Variants in CCDC191 observed in about 807,000 individuals in gnomAD.
CCDC191 encodes coiled-coil domain-containing protein 191.
A neutral mutation model predicts 114.0 loss-of-function variants in CCDC191; 99 were observed. That is an observed-to-expected ratio of 0.87 (90% CI 0.74 to 1.03). The LOEUF (loss-of-function observed/expected upper bound fraction) is 1.03. CCDC191 is among the 50% of genes least tolerant of loss of function. The pLI is 0.00. For missense variants in CCDC191, 973 were observed against 1,087.0 expected, an observed-to-expected ratio of 0.90 and a Z score of 1.47; for synonymous variants, 351 against 376.0, an observed-to-expected ratio of 0.93 and a Z score of 0.77.
intron 8 of CCDC191, among the ~76,000 whole-genome samples, chr3:114,018,315 T>C (rs2076193118): frequency 6.6e-6 from 1 of 151,976 alleles, no homozygotes. Context: ...GAAGATCATG[T>C]ACAATGTATA....
intron 3 of CCDC191, among the ~76,000 whole-genome samples, chr3:114,043,126 A>C (rs1209175417): frequency 6.6e-6 from 1 of 152,182 alleles, no homozygotes; most frequent in Non-Finnish European, 1.5e-5. Context: ...GAGGTAAAAG[A>C]AAGCTTCACT....
intron 4 of CCDC191, among the ~76,000 whole-genome samples, chr3:114,038,758 C>A (rs899174148): frequency 2.6e-5 from 4 of 152,180 alleles, no homozygotes; most frequent in Non-Finnish European, 5.9e-5. Flanking sequence ...TGGAAGCCAT[C>A]ATCCTCAGCA....
At chr3:114,030,844 T>G (rs2076394563) in intron 7 of CCDC191, among the ~76,000 whole-genome samples, 1 of 152,194 alleles carries the variant, frequency 6.6e-6, no homozygotes. Context: ...CATTCACGTA[T>G]TTATTCAATT....
chr3:113,965,036 T>TC lies in CCDC191; in HGVS notation c.*118dup, dbSNP rs1342547487. 2 of 531,740 alleles carry TC rather than the reference T, an allele frequency of 3.8e-6. No individual in the cohort carries two copies. Among genetic ancestry groups the TC allele is most frequent in the Non-Finnish European group, 6.4e-6 (2 of 311,442 alleles). 32.9% of individuals were successfully genotyped at this position (531,740 alleles called of 1,614,324 possible). The stretch of plus-strand genomic sequence containing the variant: ...AAAATTCTCAAAATAATTCCTTTGA[T>TC]CTAAGAAGTAGCTCGTAGAGAATAA... On this transcript the variant is annotated 3_prime_UTR_variant, in exon 17 of 17. Transcript: ENST00000295878.
intron 1 of CCDC191, among the ~76,000 whole-genome samples, chr3:114,054,448 C>T (rs1270811981): frequency 2.0e-5 from 3 of 152,026 alleles, no homozygotes; most frequent in South Asian, 2.1e-4. Flanking sequence ...CTGGCTAATA[C>T]GGTGAAACCC....
At chr3:114,021,747 T>C (rs755124515) in intron 7 of CCDC191, among the ~76,000 whole-genome samples, 2 of 152,142 alleles carry the variant, frequency 1.3e-5, no homozygotes, top group Non-Finnish European at 2.9e-5. Flanking sequence ...ACTTTGGAAC[T>C]ACAATAGTGC....
At chr3:114,029,906 T>C (rs1416506901) in intron 7 of CCDC191, among the ~76,000 whole-genome samples, 1 of 152,098 alleles carries the variant, frequency 6.6e-6, no homozygotes, top group Non-Finnish European at 1.5e-5. Context: ...TGTCACACAC[T>C]GGAGGAGACT....
intron 13 of CCDC191, 102 bp from the exon 14 acceptor site, chr3:113,980,895 G>A (rs73230267): frequency 1.4e-4 from 155 of 1,078,674 alleles, no homozygotes; most frequent in Non-Finnish European, 2.1e-4. Flanking sequence ...CCATTGAATG[G>A]TGTGTTAATC....
intron 4 of CCDC191, among the ~76,000 whole-genome samples, chr3:114,042,439 G>A (rs549043423): frequency 1.1e-4 from 17 of 152,230 alleles, no homozygotes; most frequent in East Asian, 5.8e-4. Flanking sequence ...GTATCTGTGG[G>A]GGCCAGGGGG....
At chr3:114,008,580 A>G (rs923487776) in intron 9 of CCDC191, among the ~76,000 whole-genome samples, 4 of 152,146 alleles carry the variant, frequency 2.6e-5, no homozygotes, top group African/African-American at 9.7e-5. Flanking sequence ...TGATAAAAGA[A>G]GAAGCCGACA....
intron 7 of CCDC191, among the ~76,000 whole-genome samples, chr3:114,024,707 G>A (rs1353611655): frequency 6.6e-6 from 1 of 151,742 alleles, no homozygotes; most frequent in East Asian, 2.1e-4. Flanking sequence ...TTGTGGGGTA[G>A]GGGGAGGGAG....
chr3:113,969,633 C>T (rs1577304635), intron 16 of CCDC191, among the ~76,000 whole-genome samples: 1 of 152,236 alleles, frequency 6.6e-6, no homozygotes, highest in Non-Finnish European at 1.5e-5. Flanking sequence ...GTTCTTGGCA[C>T]TTTTGTCAAA....
intron 13 of CCDC191, among the ~76,000 whole-genome samples, chr3:113,985,508 C>G (rs1420957352): frequency 6.6e-6 from 1 of 152,188 alleles, no homozygotes; most frequent in Non-Finnish European, 1.5e-5. Context: ...AGCTCTACCA[C>G]TGGAGTGGGA....
chr3:113,978,263 C>T lies in CCDC191; in HGVS notation c.2529G>A (p.Arg843=), dbSNP rs373006163. The change falls in exon 16 of 17, where the codon AGG becomes AGA. Residue 843 remains arginine (R), a synonymous_variant. Transcript: ENST00000295878. Reference sequence around the variant, plus strand: ...CCTCCCTGACCATGTTAAACCAGGCCCTGAAAATCTTCTTTTGAAGAAAAT... The same window carrying T: ...CCTCCCTGACCATGTTAAACCAGGCTCTGAAAATCTTCTTTTGAAGAAAAT... The part of the protein sequence containing the change: ...CVHFLQKKIF[R]AWFNMVREVK... 7.7e-5 allele frequency: 125 copies of T among 1,613,848 alleles called. No individual in the cohort carries two copies. Among genetic ancestry groups the T allele is most frequent in the Non-Finnish European group, 9.9e-5 (117 of 1,179,962 alleles).
chr3:113,977,607 G>A (rs2074974206), intron 16 of CCDC191, among the ~76,000 whole-genome samples: 1 of 152,116 alleles, frequency 6.6e-6, no homozygotes, highest in South Asian at 2.1e-4. Context: ...CTATAGCATT[G>A]AAGGCTGCAT....
At position 113,967,659 on chromosome 3, in the gene CCDC191, CTGGTTATTT is replaced by C. The variant is rs550836523; in HGVS notation, c.2607-2309_2607-2301del. On this transcript the variant is annotated intron_variant, in intron 16 of 16. Transcript: ENST00000295878. ...ATGGGGACATTCAAGTTATTCTCTT[CTGGTTATTT>C]TGAAATGCACAATAGGTTATTATTA... is the stretch of plus-strand genomic sequence containing the variant. Among the ~76,000 whole-genome samples, 81 of 152,264 alleles carry C rather than the reference CTGGTTATTT, an allele frequency of 5.3e-4. 1 individual carries two copies. The highest frequency in any genetic ancestry group is 1.8e-3 in the African/African-American group (74 of 41,550).
intron 7 of CCDC191, among the ~76,000 whole-genome samples, chr3:114,027,616 A>AAG (rs1553751110): frequency 2.0e-5 from 3 of 149,068 alleles, no homozygotes; most frequent in African/African-American, 7.3e-5. Context: ...AAAAAAAAAA[A>AAG]AAAAAAGAAA....
At chr3:114,006,605 T>TATAA (rs2075968067) in intron 9 of CCDC191, among the ~76,000 whole-genome samples, 1 of 133,934 alleles carries the variant, frequency 7.5e-6, no homozygotes, top group Non-Finnish European at 1.6e-5. Flanking sequence ...TATATATATA[T>TATAA]ATATATATAT....
intron 7 of CCDC191, among the ~76,000 whole-genome samples, chr3:114,030,840 C>T (rs915016699): frequency 2.6e-5 from 4 of 152,152 alleles, no homozygotes; most frequent in Non-Finnish European, 5.9e-5. Flanking sequence ...CATTCATTCA[C>T]GTATTTATTC....
Sources: allele counts gnomAD v4.1 joint callset (sites outside exome capture counted in the v4.1 genomes callset), GRCh38; gene constraint gnomAD v4.1.1; transcripts MANE v1.5; gene names NCBI Gene and HGNC (gene_info 2026-07-23, HGNC 2026-07-21).